Variants in GPC6 observed in about 807,000 individuals in gnomAD.
GPC6 encodes glypican-6.
A neutral mutation model predicts 55.2 loss-of-function variants in GPC6; 14 were observed. That is an observed-to-expected ratio of 0.25 (90% CI 0.17 to 0.40). The LOEUF (loss-of-function observed/expected upper bound fraction) is 0.40. Ranked by LOEUF, GPC6 falls within the 10% of genes least tolerant of loss-of-function variation. The probability of loss-of-function intolerance (pLI) is 1.00; values close to 1 mark genes in which losing one functional copy is unlikely to be tolerated. For missense variants in GPC6, 641 were observed against 708.5 expected, an observed-to-expected ratio of 0.90 and a Z score of 1.08; for synonymous variants, 278 against 259.6, an observed-to-expected ratio of 1.07 and a Z score of -0.68.
At chr13:94,293,583 C>T (rs1875136737) in intron 5 of GPC6, among the ~76,000 whole-genome samples, 1 of 152,178 alleles carries the variant, frequency 6.6e-6, no homozygotes, top group Non-Finnish European at 1.5e-5. Context: ...TGGACTAATA[C>T]AGAGGACAAG....
intron 2 of GPC6, among the ~76,000 whole-genome samples, chr13:93,648,243 G>A (rs1310931886): frequency 6.6e-6 from 1 of 152,134 alleles, no homozygotes; most frequent in Admixed American, 6.5e-5. Flanking sequence ...CATCTGCTAA[G>A]AGGTCATGGA....
chr13:94,207,988 C>G (rs563220920), intron 4 of GPC6, among the ~76,000 whole-genome samples: 1 of 152,146 alleles, frequency 6.6e-6, no homozygotes, highest in African/African-American at 2.4e-5. Context: ...CCTCTGAGAC[C>G]CAAAGTGTTG....
intron 3 of GPC6, among the ~76,000 whole-genome samples, chr13:94,026,565 T>C (rs772005072): frequency 1.8e-4 from 27 of 152,130 alleles, no homozygotes; most frequent in Non-Finnish European, 2.6e-4. Context: ...GGCAACAATT[T>C]TTACATCTAG....
At chr13:93,968,809 C>T (rs986432398) in intron 3 of GPC6, among the ~76,000 whole-genome samples, 2 of 151,998 alleles carry the variant, frequency 1.3e-5, no homozygotes, top group Non-Finnish European at 2.9e-5. Flanking sequence ...ATATTACATA[C>T]ATATTTATGG....
intron 3 of GPC6, among the ~76,000 whole-genome samples, chr13:93,981,318 C>A (rs1168471732): frequency 6.6e-6 from 1 of 152,062 alleles, no homozygotes; most frequent in Non-Finnish European, 1.5e-5. Context: ...TAAATAATTT[C>A]TTATGCAAAT....
intron 1 of GPC6, among the ~76,000 whole-genome samples, chr13:93,370,036 G>C (rs1881394575): frequency 6.6e-6 from 1 of 152,090 alleles, no homozygotes; most frequent in Non-Finnish European, 1.5e-5. Flanking sequence ...ACGTTATTCT[G>C]TCTGTCTCTG....
At chr13:94,382,384 C>T (rs1411283030) in intron 6 of GPC6, 30 bp from the exon 7 acceptor site, 55 of 1,613,102 alleles carry the variant, frequency 3.4e-5, no homozygotes, top group Non-Finnish European at 4.4e-5. Flanking sequence ...GAGCAGAATA[C>T]TCACTTGCTT....
chr13:94,051,031 G>A (rs984644796), intron 4 of GPC6, among the ~76,000 whole-genome samples: 3 of 152,128 alleles, frequency 2.0e-5, no homozygotes, highest in African/African-American at 7.2e-5. Context: ...GATGGCAAAA[G>A]ATACTGACTT....
chr13:93,521,524 G>A (rs1465538504), intron 1 of GPC6, among the ~76,000 whole-genome samples: 2 of 151,934 alleles, frequency 1.3e-5, no homozygotes, highest in Admixed American at 1.3e-4. Flanking sequence ...AGGCTGATTA[G>A]CCATTGCTTT....
chr13:93,719,912 C>T (rs1883392471), intron 2 of GPC6, among the ~76,000 whole-genome samples: 2 of 152,112 alleles, frequency 1.3e-5, no homozygotes, highest in Admixed American at 6.6e-5. Context: ...TTGAACCAGC[C>T]TTGCATCCCA....
At chr13:93,430,052 A>C (rs150920758) in intron 1 of GPC6, among the ~76,000 whole-genome samples, 227 of 152,256 alleles carry the variant, frequency 1.5e-3, no homozygotes, top group African/African-American at 5.3e-3. Flanking sequence ...GGCTGCAGTC[A>C]AGAGTGCTGT....
intron 4 of GPC6, among the ~76,000 whole-genome samples, chr13:94,274,207 A>G (rs188651795): frequency 3.5e-4 from 53 of 152,328 alleles, no homozygotes; most frequent in African/African-American, 1.3e-3. Flanking sequence ...ATTTTCCGCC[A>G]CAATTTGCAT....
intron 4 of GPC6, among the ~76,000 whole-genome samples, chr13:94,224,868 C>A (rs1203827694): frequency 6.6e-6 from 1 of 152,108 alleles, no homozygotes; most frequent in Non-Finnish European, 1.5e-5. Flanking sequence ...TGACTGCCAC[C>A]TCTTGGTAGC....
At chr13:93,617,435 A>C (rs1878768636) in intron 2 of GPC6, among the ~76,000 whole-genome samples, 1 of 152,106 alleles carries the variant, frequency 6.6e-6, no homozygotes, top group Admixed American at 6.6e-5. Context: ...AAAGCAATGA[A>C]GAGAGAGATA....
At chr13:94,083,961 G>T (rs2138801138) in intron 4 of GPC6, among the ~76,000 whole-genome samples, 1 of 152,254 alleles carries the variant, frequency 6.6e-6, no homozygotes, top group Middle Eastern at 3.4e-3. Context: ...ACGAGAGAAA[G>T]TGGAATAAGG....
chr13:94,340,339 GA>G lies in GPC6; in HGVS notation c.1152+34226del, dbSNP rs538267466. 6.0e-3 allele frequency among the ~76,000 whole-genome samples: 864 copies of G among 144,530 alleles called. 8 individuals carry two copies. Among genetic ancestry groups the G allele is most frequent in the African/African-American group, 0.021 (816 of 39,318 alleles). The allele number at this position is 144,530 out of a possible 152,430, so 94.8% of individuals were successfully genotyped here. A position where few individuals can be genotyped will look rare whatever the true frequency, so the allele number is the denominator to read the frequency against. Reference sequence around the variant, plus strand: ...TCTGAAGAACATTCCCAAAAATTTAGAAAAAAAAAATCTACCAATTATCAAG... The same window carrying G: ...TCTGAAGAACATTCCCAAAAATTTAGAAAAAAAAATCTACCAATTATCAAG... On this transcript the variant is annotated intron_variant, in intron 6 of 8. Transcript: ENST00000377047.
At chr13:94,035,432 A>G (rs1405854423) in intron 4 of GPC6, among the ~76,000 whole-genome samples, 2 of 152,110 alleles carry the variant, frequency 1.3e-5, no homozygotes, top group African/African-American at 4.8e-5. Context: ...AATTATTGTG[A>G]TGTAGAACTA....
chr13:93,369,584 T>C (rs1158902301), intron 1 of GPC6, among the ~76,000 whole-genome samples: 1 of 152,166 alleles, frequency 6.6e-6, no homozygotes. Context: ...TGTAAGGCTA[T>C]TAATAAATGA....
chr13:93,690,603 T>G (rs188142449), intron 2 of GPC6, among the ~76,000 whole-genome samples: 6 of 152,170 alleles, frequency 3.9e-5, no homozygotes, highest in African/African-American at 1.2e-4. Flanking sequence ...TTTCTAAGAC[T>G]GCGTTACTTT....
Sources: allele counts gnomAD v4.1 joint callset (sites outside exome capture counted in the v4.1 genomes callset), GRCh38; gene constraint gnomAD v4.1.1; transcripts MANE v1.5; gene names NCBI Gene and HGNC (gene_info 2026-07-23, HGNC 2026-07-21).